F13A1: variants seen among roughly 807,000 people sequenced by gnomAD.
The protein encoded by F13A1 is FSF, A subunit.
A neutral mutation model predicts 80.1 loss-of-function variants in F13A1; 47 were observed. The observed-to-expected ratio is 0.59, with a 90% CI of 0.46 to 0.75. F13A1 has a LOEUF of 0.75. F13A1 is among the 30% of genes least tolerant of loss of function. F13A1 has a pLI of 0.00. For synonymous variants in F13A1, 349 were observed against 344.9 expected (o/e 1.01, Z -0.13); for missense variants, 817 against 930.4 (o/e 0.88, Z 1.59).
chr6:6,173,112 TAG>T (rs1348250864), intron 12 of F13A1, among the ~76,000 whole-genome samples: 4 of 152,220 alleles, frequency 2.6e-5, no homozygotes, highest in African/African-American at 9.7e-5. Flanking sequence ...ATTCTCTGCC[TAG>T]AGACCAGTTT....
At chr6:6,170,950 C>G (rs929129385) in intron 12 of F13A1, among the ~76,000 whole-genome samples, 7 of 152,188 alleles carry the variant, frequency 4.6e-5, no homozygotes, top group African/African-American at 1.7e-4. Flanking sequence ...TTCAGGACAA[C>G]CTGGGGCTGG....
intron 13 of F13A1, among the ~76,000 whole-genome samples, chr6:6,153,651 G>A (rs999153576): frequency 1.3e-5 from 2 of 152,184 alleles, no homozygotes; most frequent in African/African-American, 2.4e-5. Context: ...AACAGCAGGT[G>A]CACCTAGACA....
intron 13 of F13A1, among the ~76,000 whole-genome samples, chr6:6,161,524 A>ATGTGTGTGTGTGTGTGTGTGTGTG (rs143895728): frequency 1.7e-4 from 23 of 133,632 alleles, no homozygotes; most frequent in South Asian, 7.8e-4. Context: ...CAGAGAGAGG[A>ATGTGTGTGTGTGTGTGTGTGTGTG]TGTGTGTGTG....
chr6:6,217,554 G>C (rs1321858199), intron 8 of F13A1, among the ~76,000 whole-genome samples: 1 of 150,634 alleles, frequency 6.6e-6, no homozygotes, highest in East Asian at 2.0e-4. Context: ...GGGAGGGATA[G>C]CACTGGGAGA....
intron 10 of F13A1, among the ~76,000 whole-genome samples, chr6:6,195,519 A>C (rs1456141792): frequency 1.3e-5 from 2 of 152,234 alleles, no homozygotes; most frequent in Non-Finnish European, 2.9e-5. Flanking sequence ...TCTCTGGAGC[A>C]GTTGATACTT....
chr6:6,199,955 AAG>A (rs1470620696), intron 8 of F13A1, among the ~76,000 whole-genome samples: 1 of 152,130 alleles, frequency 6.6e-6, no homozygotes, highest in Non-Finnish European at 1.5e-5. Flanking sequence ...TGAGTTGGGG[AAG>A]ACTTTTGCCT....
intron 4 of F13A1, among the ~76,000 whole-genome samples, chr6:6,253,598 C>A (rs1156759019): frequency 2.0e-5 from 3 of 152,302 alleles, no homozygotes; most frequent in South Asian, 2.1e-4. Flanking sequence ...CAAGCCCAGT[C>A]TGGATGAGCC....
intron 4 of F13A1, among the ~76,000 whole-genome samples, chr6:6,262,275 G>T (rs1165508727): frequency 1.3e-5 from 2 of 152,152 alleles, no homozygotes; most frequent in African/African-American, 4.8e-5. Flanking sequence ...TGTGCTCCAA[G>T]CGTGGTGACC....
intron 2 of F13A1, among the ~76,000 whole-genome samples, chr6:6,308,527 T>C (rs1280701804): frequency 6.6e-6 from 1 of 151,752 alleles, no homozygotes; most frequent in East Asian, 1.9e-4. Context: ...AATCAAGATA[T>C]TGTCAGTGTC....
At chr6:6,281,758 C>A (rs1394649328) in intron 3 of F13A1, among the ~76,000 whole-genome samples, 2 of 151,736 alleles carry the variant, frequency 1.3e-5, no homozygotes, top group Non-Finnish European at 2.9e-5. Flanking sequence ...CCTTGGGAGG[C>A]CAAGGCAGGC....
intron 2 of F13A1, among the ~76,000 whole-genome samples, chr6:6,308,303 G>GT (rs1338555941): frequency 1.3e-5 from 2 of 151,988 alleles, no homozygotes; most frequent in Non-Finnish European, 2.9e-5. Flanking sequence ...GATTATAGGC[G>GT]TGAGCCATCA....
chr6:6,247,362 G>C (rs1035000103), intron 6 of F13A1, among the ~76,000 whole-genome samples: 1 of 152,214 alleles, frequency 6.6e-6, no homozygotes, highest in East Asian at 1.9e-4. Flanking sequence ...GGTAATATAA[G>C]TATTTCTTTT....
chr6:6,186,569 TC>T (rs1761083588), intron 10 of F13A1, among the ~76,000 whole-genome samples: 4 of 152,226 alleles, frequency 2.6e-5, no homozygotes, highest in African/African-American at 9.7e-5. Flanking sequence ...TCTGTTCTGT[TC>T]CATTGATCTA....
chr6:6,192,054 G>A (rs1000856461), intron 10 of F13A1, among the ~76,000 whole-genome samples: 1 of 152,250 alleles, frequency 6.6e-6, no homozygotes, highest in African/African-American at 2.4e-5. Flanking sequence ...GAAAGATAGT[G>A]AGGGGAGCTT....
chr6:6,182,756 G>T (rs528900177), intron 10 of F13A1, among the ~76,000 whole-genome samples: 1 of 152,202 alleles, frequency 6.6e-6, no homozygotes, highest in South Asian at 2.1e-4. Flanking sequence ...GGATTTGGGG[G>T]CCTTAATGAT....
intron 8 of F13A1, among the ~76,000 whole-genome samples, chr6:6,200,577 G>T (rs572838164): frequency 4.9e-4 from 75 of 151,818 alleles, no homozygotes; most frequent in Non-Finnish European, 1.2e-4. Flanking sequence ...AGTGATCTAG[G>T]TTGTAAGACA....
At chr6:6,286,051 G>A (rs1406103924) in intron 3 of F13A1, among the ~76,000 whole-genome samples, 1 of 152,250 alleles carries the variant, frequency 6.6e-6, no homozygotes, top group Non-Finnish European at 1.5e-5. Flanking sequence ...CACCACTTAA[G>A]GGAAGAATCA....
At position 6,195,896 on chromosome 6, in the gene F13A1, C is replaced by T. The variant is rs78204282; in HGVS notation, c.1217-11G>A. The T allele has an allele frequency of 3.1e-6, 5 of 1,613,596 alleles. No homozygotes were observed. The East Asian group carries it at 8.9e-5, about 29-fold the overall frequency. ...CACACCGATACATGCCTGCATTGCA[C>T]AGAGGAAGGGCGGTGTGAGTTTGTC... On this transcript the variant is annotated splice_polypyrimidine_tract_variant and intron_variant, in intron 9 of 14. Transcript: ENST00000264870.
At chr6:6,204,576 T>C (rs1761453884) in intron 8 of F13A1, among the ~76,000 whole-genome samples, 2 of 152,210 alleles carry the variant, frequency 1.3e-5, no homozygotes. Flanking sequence ...TATTAAGCTC[T>C]GGCCATTTCA....
Sources: gnomAD v4.1 joint callset for allele counts (sites outside exome capture counted in the v4.1 genomes callset) on GRCh38, gnomAD v4.1.1 for gene constraint, MANE v1.5 for transcripts, NCBI Gene and HGNC (gene_info 2026-07-23, HGNC 2026-07-21) for gene names.